The following ACSL6 variants were observed in gnomAD, a reference collection of about 807,000 sequenced individuals.
ACSL6 encodes the protein acyl-CoA synthetase long chain family member 6.
In ACSL6, 47 loss-of-function variants were observed where a neutral mutation model predicts 98.2. The ratio of observed to expected loss-of-function variants is 0.48; its 90% confidence interval spans 0.38 to 0.61. The LOEUF is 0.61. ACSL6 is among the 20% of genes least tolerant of loss of function. The pLI, the probability that ACSL6 is intolerant of heterozygous loss-of-function variation, is 0.00. For missense variants in ACSL6, 761 were observed against 913.4 expected (o/e 0.83, Z 2.15); for synonymous variants, 362 against 336.9 (o/e 1.07, Z -0.82).
intron 1 of ACSL6, among the ~76,000 whole-genome samples, chr5:132,000,968 T>C (rs1265274512): frequency 1.3e-5 from 2 of 152,210 alleles, no homozygotes; most frequent in African/African-American, 4.8e-5. Flanking sequence ...GAGAAGAGCG[T>C]CCTGCCTCAG....
chr5:131,985,455 G>C lies in ACSL6; in HGVS notation c.868C>G (p.Pro290Ala), dbSNP rs748692428. Reference sequence around the variant, plus strand: ...ACAATGGAGAGGTCATCAGGCTGCGGGGGCTGCAGGGGTGAGAAGAGGAGT... The same window carrying C: ...ACAATGGAGAGGTCATCAGGCTGCGCGGGCTGCAGGGGTGAGAAGAGGAGT... Reference protein sequence around the residue: ...GQENHQAPVPPQPDDLSIVCF... With the variant: ...GQENHQAPVPAQPDDLSIVCF... The change falls in exon 9 of 21, where the codon CCG becomes GCG. Residue 290 changes from proline to alanine, a missense_variant. Coordinates refer to ENST00000651883, the MANE Select transcript of ACSL6 (RefSeq NM_001009185.3). 2 of 1,613,884 alleles carry C rather than the reference G, an allele frequency of 1.2e-6. No individual in the cohort carries two copies. The highest frequency in any genetic ancestry group is 1.7e-6 in the Non-Finnish European group (2 of 1,179,992).
chr5:132,008,169 T>C (rs1755513157), intron 1 of ACSL6, among the ~76,000 whole-genome samples: 1 of 152,212 alleles, frequency 6.6e-6, no homozygotes, highest in African/African-American at 2.4e-5. Flanking sequence ...CAGAGCCACC[T>C]GTTCTGCCTG....
At position 131,954,277 on chromosome 5, in the gene ACSL6, T is replaced by A. The variant is rs1449473523; in HGVS notation, c.2126A>T (p.Tyr709Phe). 4 of 1,613,934 alleles carry A rather than the reference T, an allele frequency of 2.5e-6. No individual in the cohort carries two copies. The South Asian group carries it at 3.3e-5, about 13-fold the overall frequency. ...AAGCTCTTCTATTTGTTTTTTGAAG[T>A]ACTCTCTCAGCTCAGGTCTCTTAGC... ...LKAKRPELRE[Y>F]FKKQIEELYS... is the part of the protein sequence containing the mutation. The change falls in exon 21 of 21, where the codon TAC (tyrosine) becomes TTC (phenylalanine). Residue 709 changes from tyrosine (Y) to phenylalanine (F), a missense_variant. Tyr to Phe is a conservative substitution (Grantham distance 22). Coordinates refer to ENST00000651883, the MANE Select transcript of ACSL6 (RefSeq NM_001009185.3).
In ACSL6 at chr5:131,971,964, G is replaced by A. The variant is rs148785621; in HGVS notation, c.1339-319C>T. On this transcript the variant is annotated intron_variant, in intron 13 of 20. Coordinates refer to ENST00000651883, the MANE Select transcript of ACSL6 (RefSeq NM_001009185.3). ...CTTCCTTAAAATACACAGCTGTTCC[G>A]TCACTCTCCCATCATTGACAAGAAT... Among the ~76,000 whole-genome samples, 138 of 152,130 alleles carry A rather than the reference G, an allele frequency of 9.1e-4. 2 individuals are homozygous for A. The highest frequency in any genetic ancestry group is 3.5e-3 in the South Asian group (17 of 4,806).
rs189064223 is a variant in ACSL6, at chr5:132,005,085, G to A, written c.49+6420C>T. Among the ~76,000 whole-genome samples, 957 of 152,274 alleles carry A rather than the reference G, an allele frequency of 6.3e-3. 3 individuals are homozygous for A. Among genetic ancestry groups the A allele is most frequent in the Middle Eastern group, 0.01 (3 of 294 alleles). On this transcript the variant is annotated intron_variant, in intron 1 of 20. Transcript: ENST00000651883. ...GAGAATCACTTGAACCCAGGAGGCA[G>A]AGGTTGCAGTGAGCCAAGATCACGC...
At position 131,972,823 on chromosome 5, in the gene ACSL6, C is replaced by T; in HGVS notation, c.1239G>A (p.Trp413Ter). The change falls in exon 13 of 21, where the codon TGG (tryptophan) becomes TGA (stop). Residue 413 changes from tryptophan to a stop codon, truncating the protein, a stop_gained. Coordinates refer to ENST00000651883, the MANE Select transcript of ACSL6 (RefSeq NM_001009185.3). LOFTEE classifies it high-confidence loss of function. ...TACGCTTTGCTGCAAACTCCAGGAG[C>T]CAGCGCTTTAATGGTGTGTTTGCCT... ...FSQANTPLKR[W>*]LLEFAAKRKQ... 1.2e-6 allele frequency: 2 copies of T among 1,614,218 alleles called. No individual in the cohort carries two copies. Among genetic ancestry groups the T allele is most frequent in the Non-Finnish European group, 1.7e-6 (2 of 1,180,040 alleles).
chr5:131,966,646 G>A (rs1423236304), intron 16 of ACSL6, 114 bp from the exon 17 acceptor site: 1 of 867,756 alleles, frequency 1.2e-6, no homozygotes, highest in Admixed American at 1.8e-5. Flanking sequence ...AAGCCACTGT[G>A]GATATGGCAG....
intron 20 of ACSL6, among the ~76,000 whole-genome samples, chr5:131,956,716 A>G (rs1317010261): frequency 1.3e-5 from 2 of 152,230 alleles, no homozygotes; most frequent in African/African-American, 4.8e-5. Flanking sequence ...AAGTGAATCA[A>G]TGATAAAAAC....
In ACSL6 at chr5:131,951,001, C is replaced by G; in HGVS notation, c.*3233G>C. ...GCTAGGCCTACACACTATACCTGAC[C>G]AGAGTCCCGTCTCTCATTTGCAAGG... On this transcript the variant is annotated 3_prime_UTR_variant, in exon 21 of 21. Transcript: ENST00000651883. The G allele has an allele frequency of 5.1e-6, 1 of 195,570 alleles. No homozygotes were observed. Among genetic ancestry groups the G allele is most frequent in the Non-Finnish European group, 1.1e-5 (1 of 94,124 alleles). The allele number at this position is 195,570 out of a possible 1,614,324, so 12.1% of individuals were successfully genotyped here.
At chr5:131,961,473 A>T (rs1345998472) in intron 18 of ACSL6, among the ~76,000 whole-genome samples, 3 of 151,632 alleles carry the variant, frequency 2.0e-5, no homozygotes, top group African/African-American at 7.3e-5. Flanking sequence ...CAGGCACAAC[A>T]CTTGAGGTCA....
intron 20 of ACSL6, among the ~76,000 whole-genome samples, chr5:131,956,735 A>AT (rs1752427900): frequency 6.6e-6 from 1 of 152,290 alleles, no homozygotes; most frequent in South Asian, 2.1e-4. Flanking sequence ...ACACATGTTC[A>AT]TTTTTTATAA....
intron 1 of ACSL6, chr5:132,003,577 C>T (rs1755211488): frequency 1.3e-5 from 2 of 152,292 alleles, no homozygotes; most frequent in Non-Finnish European, 2.9e-5. Context: ...GTTTGTATTC[C>T]TGCCGCTGGC....
intron 6 of ACSL6, 178 bp downstream of exon 6, chr5:131,988,627 C>T: frequency 6.2e-7 from 1 of 1,613,154 alleles, no homozygotes; most frequent in Non-Finnish European, 8.5e-7. Flanking sequence ...CGTGTGAAGT[C>T]TGACCAGGGA....
chr5:131,966,157 C>G lies in ACSL6; in HGVS notation c.1713+259G>C, dbSNP rs771817327. 5.3e-5 allele frequency among the ~76,000 whole-genome samples: 8 copies of G among 152,278 alleles called. No individual in the cohort carries two copies. The South Asian group carries it at 6.2e-4, about 12-fold the overall frequency. ...CACTGTCAGATGTCTTTCTGGAAAC[C>G]ATTAAGGATAGGAATTCAGTCTCCA... is the stretch of plus-strand genomic sequence containing the variant. On this transcript the variant is annotated intron_variant, in intron 17 of 20. Transcript: ENST00000651883.
chr5:131,974,452 A>G (rs1406213226), intron 11 of ACSL6, among the ~76,000 whole-genome samples: 1 of 152,242 alleles, frequency 6.6e-6, no homozygotes, highest in Non-Finnish European at 1.5e-5. Context: ...GCTGTACTGC[A>G]CAGAGCTTGA....
chr5:131,966,372 C>G, intron 17 of ACSL6, 44 bp downstream of exon 17: 1 of 1,588,152 alleles, frequency 6.3e-7, no homozygotes, highest in Non-Finnish European at 8.6e-7. Flanking sequence ...ACACACCCTC[C>G]CACTGCCAAA....
At chr5:132,004,722 CG>C (rs1423420812) in intron 1 of ACSL6, among the ~76,000 whole-genome samples, 1 of 152,140 alleles carries the variant, frequency 6.6e-6, no homozygotes, top group Admixed American at 6.5e-5. Context: ...GCAAGGAGAT[CG>C]GGGACACATG....
chr5:131,974,934 A>T lies in ACSL6; in HGVS notation c.1027T>A (p.Ser343Thr), dbSNP rs754063736. ...IFPRQDDVLISFLPLAHMFER... is the reference protein window; with the variant it reads ...IFPRQDDVLITFLPLAHMFER... ...AACATGTGAGCCAGAGGCAGGAAGG[A>T]GATGAGCACATCGTCCTGTCTCGGA... is the stretch of plus-strand genomic sequence containing the variant. The change falls in exon 11 of 21, where the codon TCC (serine) becomes ACC (threonine). Residue 343 changes from serine to threonine, a missense_variant. By Grantham distance (58) the Ser-to-Thr change is moderately conservative. Transcript: ENST00000651883. 6 of 1,614,100 alleles carry T rather than the reference A, an allele frequency of 3.7e-6. No individual in the cohort carries two copies. The highest frequency in any genetic ancestry group is 5.1e-6 in the Non-Finnish European group (6 of 1,180,048).
At chr5:132,009,293 C>G (rs1181920839) in intron 1 of ACSL6, among the ~76,000 whole-genome samples, 4 of 152,152 alleles carry the variant, frequency 2.6e-5, no homozygotes, top group African/African-American at 7.2e-5. Flanking sequence ...GGTTAGGTGG[C>G]AAAAAGCACA....
Sources: allele counts gnomAD v4.1 joint callset (sites outside exome capture counted in the v4.1 genomes callset), GRCh38; gene constraint gnomAD v4.1.1; transcripts MANE v1.5; gene names NCBI Gene and HGNC (gene_info 2026-07-23, HGNC 2026-07-21).